Variants in MALRD1 observed in about 807,000 individuals in gnomAD.
MALRD1 encodes the protein MAM and LDL receptor class A domain containing 1.
A neutral mutation model predicts 242.1 loss-of-function variants in MALRD1; 247 were observed. The ratio of observed to expected loss-of-function variants is 1.02; its 90% CI spans 0.92 to 1.13. The LOEUF is 1.13. Ranked by LOEUF, MALRD1 falls within the 50% of genes most tolerant of loss-of-function variation. MALRD1 has a pLI of 0.00. For synonymous variants in MALRD1, 995 were observed against 866.6 expected (o/e 1.15, Z -2.60); for missense variants, 2,989 against 2,533.1 (o/e 1.18, Z -3.86).
At chr10:19,587,513 C>T (rs949660831) in intron 33 of MALRD1, among the ~76,000 whole-genome samples, 14 of 152,192 alleles carry the variant, frequency 9.2e-5, no homozygotes, top group African/African-American at 2.7e-4. Flanking sequence ...TATCCTTGGG[C>T]ACTTTAGGCT....
At chr10:19,179,271 CAA>C (rs1016705205) in intron 14 of MALRD1, among the ~76,000 whole-genome samples, 6 of 152,152 alleles carry the variant, frequency 3.9e-5, no homozygotes, top group Admixed American at 3.3e-4. Flanking sequence ...TTCAGTCAAA[CAA>C]GATGAATAAG....
intron 34 of MALRD1, among the ~76,000 whole-genome samples, chr10:19,595,706 C>G (rs942488386): frequency 1.3e-5 from 2 of 152,068 alleles, no homozygotes; most frequent in African/African-American, 2.4e-5. Flanking sequence ...ATATCTGAGT[C>G]ATTCATATGG....
chr10:19,349,846 A>G (rs1166031649), intron 25 of MALRD1, among the ~76,000 whole-genome samples: 2 of 152,132 alleles, frequency 1.3e-5, no homozygotes, highest in Non-Finnish European at 2.9e-5. Context: ...TGTCCAGTGG[A>G]TTATTTTTTC....
chr10:19,674,997 C>T lies in MALRD1; in HGVS notation c.6138-17285C>T, dbSNP rs567200272. ...AAACTTTTTTTTAGTATCATCTCAG[C>T]CATAACATCATGCCATCAACCTGTT... On this transcript the variant is annotated intron_variant, in intron 36 of 39. Coordinates refer to ENST00000454679, the MANE Select transcript of MALRD1 (RefSeq NM_001142308.3). Among the ~76,000 whole-genome samples, 5 of 151,686 alleles carry T rather than the reference C, an allele frequency of 3.3e-5. No homozygotes were observed. The East Asian group carries it at 9.7e-4, about 30-fold the overall frequency.
chr10:19,583,670 T>C (rs1201087050), intron 33 of MALRD1, among the ~76,000 whole-genome samples: 3 of 152,142 alleles, frequency 2.0e-5, no homozygotes, highest in Non-Finnish European at 4.4e-5. Context: ...ATCAAGGGTA[T>C]TGGTCTAAAA....
At chr10:19,435,887 T>C (rs1238785020) in intron 28 of MALRD1, among the ~76,000 whole-genome samples, 1 of 152,182 alleles carries the variant, frequency 6.6e-6, no homozygotes, top group Non-Finnish European at 1.5e-5. Context: ...GGGATATTTA[T>C]CTATTCTCCC....
intron 13 of MALRD1, among the ~76,000 whole-genome samples, chr10:19,167,599 T>G (rs1834751640): frequency 6.6e-6 from 1 of 152,096 alleles, no homozygotes; most frequent in African/African-American, 2.4e-5. Context: ...ATAAATAGAA[T>G]TACCCAGGGG....
intron 26 of MALRD1, among the ~76,000 whole-genome samples, chr10:19,363,023 G>C (rs1010918850): frequency 2.6e-5 from 4 of 152,058 alleles, no homozygotes; most frequent in African/African-American, 9.7e-5. Flanking sequence ...CAGATTTCAT[G>C]GGGGAGAGTT....
intron 28 of MALRD1, among the ~76,000 whole-genome samples, chr10:19,439,004 A>G (rs1019363547): frequency 2.6e-5 from 4 of 152,172 alleles, no homozygotes; most frequent in African/African-American, 9.6e-5. Context: ...TGTCTCCATC[A>G]GGGAACTAGG....
chr10:19,469,910 C>G (rs949109180), intron 29 of MALRD1, among the ~76,000 whole-genome samples: 1 of 152,054 alleles, frequency 6.6e-6, no homozygotes, highest in African/African-American at 2.4e-5. Context: ...ATATACCACA[C>G]ATCCCAAAGT....
intron 39 of MALRD1, among the ~76,000 whole-genome samples, chr10:19,733,044 T>C (rs922960683): frequency 2.6e-5 from 4 of 152,202 alleles, no homozygotes; most frequent in Admixed American, 1.3e-4. Flanking sequence ...ACAAATGACT[T>C]TGTATTGATT....
Position 19,124,628 on chromosome 10 carries a change from T to C in MALRD1, c.901T>C (p.Phe301Leu), listed in dbSNP as rs900808395. The C allele has an allele frequency of 3.2e-6, 4 of 1,233,658 alleles. No individual in the cohort carries two copies. The highest frequency in any genetic ancestry group is 4.0e-6 in the Non-Finnish European group (4 of 988,122). The allele number at this position is 1,233,658 out of a possible 1,614,324, so 76.4% of individuals were successfully genotyped here. ...MRTKAREIPA[F>L]ESTPQQDQGG... ...CACAAAAGCGAGAGAGATCCCTGCA[T>C]TCGAATCCACACCTCAGCAGGATCA... is the stretch of plus-strand genomic sequence containing the variant. The change falls in exon 7 of 40, where the codon TTC becomes CTC. Residue 301 changes from phenylalanine (F) to leucine (L), a missense_variant. Transcript: ENST00000454679.
In MALRD1 at chr10:19,697,988, C is replaced by A. The variant is rs147676978; in HGVS notation, c.6314+5434C>A. On this transcript the variant is annotated intron_variant, in intron 38 of 39. Transcript: ENST00000454679. ...CATTCTCCATAGATGTCATTCATTT[C>A]CAAGGTTTTAAGTGACATCTAGATG... Among the ~76,000 whole-genome samples the A allele has an allele frequency of 3.2e-3, 480 of 152,266 alleles. 2 individuals carry two copies. Among genetic ancestry groups the A allele is most frequent in the South Asian group, 0.014 (67 of 4,824 alleles).
chr10:19,537,250 A>G (rs1448727677), intron 32 of MALRD1, among the ~76,000 whole-genome samples: 1 of 152,148 alleles, frequency 6.6e-6, no homozygotes, highest in Non-Finnish European at 1.5e-5. Context: ...TTTGGCTGCT[A>G]TATGGAAAAG....
At chr10:19,207,725 C>T (rs1041230758) in intron 17 of MALRD1, among the ~76,000 whole-genome samples, 2 of 152,140 alleles carry the variant, frequency 1.3e-5, no homozygotes, top group East Asian at 1.9e-4. Context: ...TGGTCTTGAA[C>T]TCCTGACCTC....
intron 29 of MALRD1, among the ~76,000 whole-genome samples, chr10:19,487,320 T>A (rs1336999787): frequency 6.6e-6 from 1 of 151,536 alleles, no homozygotes; most frequent in African/African-American, 2.4e-5. Flanking sequence ...TCTTTTCAAT[T>A]TGCTGTATTC....
At chr10:19,231,967 T>A (rs2131699005) in intron 18 of MALRD1, among the ~76,000 whole-genome samples, 1 of 152,328 alleles carries the variant, frequency 6.6e-6, no homozygotes, top group East Asian at 1.9e-4. Flanking sequence ...GTAACTTATC[T>A]TTTAATAATC....
chr10:19,700,728 G>T (rs189810251), intron 38 of MALRD1, among the ~76,000 whole-genome samples: 1 of 152,108 alleles, frequency 6.6e-6, no homozygotes, highest in Admixed American at 6.5e-5. Context: ...CAAACAAAAG[G>T]CTTTTTTCCC....
intron 28 of MALRD1, among the ~76,000 whole-genome samples, chr10:19,399,924 CA>C (rs1589023354): frequency 6.6e-6 from 1 of 152,076 alleles, no homozygotes; most frequent in African/African-American, 2.4e-5. Flanking sequence ...AAGATATAAA[CA>C]AAAAAAACTG....
Sources: allele counts gnomAD v4.1 joint callset (sites outside exome capture counted in the v4.1 genomes callset), GRCh38; gene constraint gnomAD v4.1.1; transcripts MANE v1.5; gene names NCBI Gene and HGNC (gene_info 2026-07-23, HGNC 2026-07-21).